Variants in GPC6 observed in about 807,000 individuals in gnomAD.
The protein encoded by GPC6 is glypican 6, also known as glypican-6.
In GPC6, 14 loss-of-function variants were observed where a neutral mutation model predicts 55.2. That is an observed-to-expected ratio of 0.25 (90% CI 0.17 to 0.40). GPC6 has a LOEUF of 0.40. Ranked by LOEUF, GPC6 falls within the 10% of genes least tolerant of loss-of-function variation. The probability of loss-of-function intolerance (pLI) is 1.00; values close to 1 mark genes in which losing one functional copy is unlikely to be tolerated. For synonymous variants in GPC6, 278 were observed against 259.6 expected, an observed-to-expected ratio of 1.07 and a Z score of -0.68; for missense variants, 641 against 708.5, an observed-to-expected ratio of 0.90 and a Z score of 1.08.
chr13:94,176,330 T>A (rs1888766872), intron 4 of GPC6, among the ~76,000 whole-genome samples: 1 of 152,138 alleles, frequency 6.6e-6, no homozygotes, highest in Admixed American at 6.6e-5. Flanking sequence ...CTCCTGAGAC[T>A]ATGGTGATCT....
At chr13:94,079,925 A>G (rs764557803) in intron 4 of GPC6, among the ~76,000 whole-genome samples, 28 of 152,238 alleles carry the variant, frequency 1.8e-4, no homozygotes, top group Non-Finnish European at 4.0e-4. Flanking sequence ...AATAAATTAC[A>G]TGGTTGACAC....
chr13:93,351,204 G>A (rs867094810), intron 1 of GPC6, among the ~76,000 whole-genome samples: 17 of 152,204 alleles, frequency 1.1e-4, no homozygotes, highest in South Asian at 2.1e-4. Context: ...TTCCCAACAG[G>A]TGGAATATTA....
rs574061993 is a variant in GPC6, at chr13:93,427,225, T to G, written c.161-118038T>G. On this transcript the variant is annotated intron_variant, in intron 1 of 8. Transcript: ENST00000377047. ...CATCTCCATCAAGCTACCAATGACTTTCTTCACAGAATTGGAAAAAACTAC... is the reference window on the plus strand; with the variant it reads ...CATCTCCATCAAGCTACCAATGACTGTCTTCACAGAATTGGAAAAAACTAC... Among the ~76,000 whole-genome samples, 23 of 152,224 alleles carry G rather than the reference T, an allele frequency of 1.5e-4. No individual in the cohort carries two copies. The South Asian group carries it at 3.1e-3, about 21-fold the overall frequency.
At chr13:93,734,364 G>A (rs1437904887) in intron 2 of GPC6, among the ~76,000 whole-genome samples, 2 of 152,134 alleles carry the variant, frequency 1.3e-5, no homozygotes, top group Admixed American at 1.3e-4. Context: ...TTAAACAAAA[G>A]CTGCAGCCAC....
intron 4 of GPC6, among the ~76,000 whole-genome samples, chr13:94,166,709 T>TA (rs1888382123): frequency 6.6e-6 from 1 of 152,192 alleles, no homozygotes; most frequent in Non-Finnish European, 1.5e-5. Flanking sequence ...ATACAATACA[T>TA]ATTTTAATCT....
chr13:94,043,157 A>G (rs1019833117), intron 4 of GPC6, among the ~76,000 whole-genome samples: 3 of 151,720 alleles, frequency 2.0e-5, no homozygotes, highest in Non-Finnish European at 2.9e-5. Context: ...TTCCTGCATC[A>G]GTCCTAAAAC....
At chr13:93,356,578 A>C (rs1302676930) in intron 1 of GPC6, among the ~76,000 whole-genome samples, 1 of 152,186 alleles carries the variant, frequency 6.6e-6, no homozygotes, top group Non-Finnish European at 1.5e-5. Flanking sequence ...AAGCACAAAC[A>C]TATTTTATGT....
intron 4 of GPC6, among the ~76,000 whole-genome samples, chr13:94,121,987 AAG>A (rs1205083082): frequency 3.3e-5 from 5 of 152,092 alleles, no homozygotes; most frequent in Non-Finnish European, 5.9e-5. Flanking sequence ...ATTTGGAAAA[AAG>A]AGTCTTGGTG....
chr13:94,100,361 A>G (rs534560191), intron 4 of GPC6, among the ~76,000 whole-genome samples: 6 of 152,220 alleles, frequency 3.9e-5, no homozygotes, highest in African/African-American at 7.2e-5. Context: ...TGTTTAATAC[A>G]TTACTCTAAA....
At chr13:94,302,935 A>C (rs373652461) in intron 5 of GPC6, among the ~76,000 whole-genome samples, 2 of 152,250 alleles carry the variant, frequency 1.3e-5, no homozygotes, top group African/African-American at 4.8e-5. Context: ...AATTAGGACA[A>C]ACCGAGGCAC....
intron 5 of GPC6, among the ~76,000 whole-genome samples, chr13:94,293,601 C>T (rs769001381): frequency 3.3e-5 from 5 of 152,152 alleles, no homozygotes; most frequent in Non-Finnish European, 7.4e-5. Flanking sequence ...AAGACAGAGT[C>T]CTTGCTCTGG....
At chr13:93,507,528 A>G (rs1880782431) in intron 1 of GPC6, among the ~76,000 whole-genome samples, 1 of 152,220 alleles carries the variant, frequency 6.6e-6, no homozygotes, top group Non-Finnish European at 1.5e-5. Flanking sequence ...CTTTAATTCC[A>G]ATGAGCAGCT....
chr13:93,912,602 G>A (rs1179183168), intron 3 of GPC6, among the ~76,000 whole-genome samples: 1 of 152,136 alleles, frequency 6.6e-6, no homozygotes, highest in Non-Finnish European at 1.5e-5. Context: ...AATTAGCCTG[G>A]TGTGGTGGCG....
At chr13:94,223,938 C>A (rs140095684) in intron 4 of GPC6, among the ~76,000 whole-genome samples, 8 of 152,122 alleles carry the variant, frequency 5.3e-5, no homozygotes, top group African/African-American at 1.7e-4. Flanking sequence ...TGAGGTTGAA[C>A]AAGGCAGAGC....
chr13:93,591,090 A>G (rs1877446730), intron 2 of GPC6, among the ~76,000 whole-genome samples: 1 of 151,514 alleles, frequency 6.6e-6, no homozygotes, highest in Non-Finnish European at 1.5e-5. Flanking sequence ...ATAAAATGTA[A>G]CTGAAATATT....
intron 1 of GPC6, among the ~76,000 whole-genome samples, chr13:93,375,256 G>C (rs973434017): frequency 1.3e-5 from 2 of 152,166 alleles, no homozygotes; most frequent in Non-Finnish European, 2.9e-5. Flanking sequence ...TTTAAGCAAG[G>C]TGAACCAGAT....
At chr13:93,789,606 T>TATAATACTAC (rs1298074767) in intron 2 of GPC6, among the ~76,000 whole-genome samples, 3 of 18,236 alleles carry the variant, frequency 1.6e-4, no homozygotes, top group East Asian at 2.5e-3. Flanking sequence ...TACATATATA[T>TATAATACTAC]ATATATATAT....
intron 3 of GPC6, among the ~76,000 whole-genome samples, chr13:93,945,810 T>C (rs766457600): frequency 3.3e-5 from 5 of 152,198 alleles, no homozygotes; most frequent in Non-Finnish European, 7.3e-5. Flanking sequence ...GTGGTTGTAA[T>C]TGACAAATGA....
At chr13:94,340,392 C>T (rs1172921533) in intron 6 of GPC6, among the ~76,000 whole-genome samples, 3 of 151,940 alleles carry the variant, frequency 2.0e-5, no homozygotes, top group African/African-American at 7.3e-5. Context: ...ATAAAAAACC[C>T]AAAGGAAAGC....
Sources: allele counts gnomAD v4.1 joint callset (sites outside exome capture counted in the v4.1 genomes callset), GRCh38; gene constraint gnomAD v4.1.1; transcripts MANE v1.5; gene names NCBI Gene and HGNC (gene_info 2026-07-23, HGNC 2026-07-21).